Variants in ARFIP1 observed in about 807,000 individuals in gnomAD.
ARFIP1 encodes arfaptin-1.
ARFIP1 carries 24 observed loss-of-function variants against 42.5 expected under a neutral mutation model. That is an observed-to-expected ratio of 0.57 (90% CI 0.41 to 0.80). The LOEUF (loss-of-function observed/expected upper bound fraction) is 0.80. Ranked by LOEUF, ARFIP1 falls within the 30% of genes least tolerant of loss-of-function variation. The probability of loss-of-function intolerance (pLI) is 0.00; values close to 1 mark genes in which losing one functional copy is unlikely to be tolerated. For synonymous variants in ARFIP1, 141 were observed against 153.7 expected (o/e 0.92, Z 0.61); for missense variants, 354 against 434.0 (o/e 0.82, Z 1.64).
intron 1 of ARFIP1, among the ~76,000 whole-genome samples, chr4:152,821,062 A>C (rs1730326629): frequency 6.6e-6 from 1 of 152,214 alleles, no homozygotes; most frequent in African/African-American, 2.4e-5. Flanking sequence ...CAGAAAACTA[A>C]TTCTGGCAAT....
intron 1 of ARFIP1, among the ~76,000 whole-genome samples, chr4:152,793,230 GA>G (rs1165522652): frequency 6.6e-6 from 1 of 150,718 alleles, no homozygotes; most frequent in East Asian, 1.9e-4. Flanking sequence ...AAATAAATAT[GA>G]AGTGGATCAG....
chr4:152,796,983 G>A (rs1283624295), intron 1 of ARFIP1, among the ~76,000 whole-genome samples: 1 of 152,130 alleles, frequency 6.6e-6, no homozygotes, highest in East Asian at 1.9e-4. Flanking sequence ...TACTATGTGT[G>A]TTGTCCAATT....
chr4:152,790,352 C>T (rs1436260856), intron 1 of ARFIP1, among the ~76,000 whole-genome samples: 1 of 152,178 alleles, frequency 6.6e-6, no homozygotes, highest in Non-Finnish European at 1.5e-5. Context: ...AGATGACCAC[C>T]TCTCTTGGTT....
chr4:152,819,898 C>T (rs1319750443), intron 1 of ARFIP1, among the ~76,000 whole-genome samples: 1 of 152,132 alleles, frequency 6.6e-6, no homozygotes, highest in Non-Finnish European at 1.5e-5. Flanking sequence ...CCTCTTTAGA[C>T]AGCATTTCTG....
chr4:152,857,688 T>C (rs1733552099), intron 2 of ARFIP1, among the ~76,000 whole-genome samples: 1 of 152,248 alleles, frequency 6.6e-6, no homozygotes, highest in African/African-American at 2.4e-5. Context: ...CTGTTCACAA[T>C]TTATCTCATC....
At chr4:152,811,882 A>G (rs1288696155) in intron 1 of ARFIP1, among the ~76,000 whole-genome samples, 1 of 112,506 alleles carries the variant, frequency 8.9e-6, no homozygotes, top group South Asian at 3.1e-4. Context: ...GTTAATTTTC[A>G]GTACTATAAT....
At chr4:152,906,282 C>T (rs906840159) in intron 8 of ARFIP1, among the ~76,000 whole-genome samples, 7 of 152,178 alleles carry the variant, frequency 4.6e-5, no homozygotes, top group Admixed American at 3.9e-4. Context: ...ACAACTCTAG[C>T]CCAAACTGCT....
chr4:152,855,446 GA>G (rs1456718381), intron 2 of ARFIP1, among the ~76,000 whole-genome samples: 3 of 152,186 alleles, frequency 2.0e-5, no homozygotes, highest in African/African-American at 7.2e-5. Flanking sequence ...TGCCTTTAGT[GA>G]CTGGCGGCAG....
chr4:152,900,992 G>T (rs556372950), intron 8 of ARFIP1, among the ~76,000 whole-genome samples: 2 of 152,018 alleles, frequency 1.3e-5, no homozygotes. Context: ...AAGTAATTGC[G>T]GTTTTTGCCA....
chr4:152,883,784 C>T (rs1350200782), intron 7 of ARFIP1, among the ~76,000 whole-genome samples: 1 of 151,538 alleles, frequency 6.6e-6, no homozygotes, highest in Non-Finnish European at 1.5e-5. Flanking sequence ...CCAATTTTTT[C>T]CCCATATGCC....
intron 1 of ARFIP1, among the ~76,000 whole-genome samples, chr4:152,822,353 C>G (rs1446053783): frequency 1.9e-5 from 2 of 103,476 alleles, no homozygotes; most frequent in Non-Finnish European, 4.2e-5. Context: ...AAAAGTTCAA[C>G]AAGAAAATGT....
At chr4:152,834,287 C>T (rs1731476427) in intron 2 of ARFIP1, among the ~76,000 whole-genome samples, 2 of 152,138 alleles carry the variant, frequency 1.3e-5, no homozygotes, top group African/African-American at 4.8e-5. Context: ...CCCCTAGCCC[C>T]CTAAATCTCT....
At chr4:152,782,244 G>GTC in intron 1 of ARFIP1, among the ~76,000 whole-genome samples, 1 of 106,882 alleles carries the variant, frequency 9.4e-6, no homozygotes, top group East Asian at 3.0e-4. Context: ...GTGTGTGTGT[G>GTC]TGTGTGTGTG....
rs1484226452 is a variant in ARFIP1, at chr4:152,804,268, T to TAATATATAACATAACATGTATTACA, written c.-10+24042_-10+24043insAATATATAACATAACATGTATTACA. Reference sequence around the variant, plus strand: ...TATATAATATAACATGTATTATATATTATATATATAACATAACATGTATTA... The same window carrying TAATATATAACATAACATGTATTACA: ...TATATAATATAACATGTATTATATATAATATATAACATAACATGTATTACATATATATATAACATAACATGTATTA... On this transcript the variant is annotated intron_variant, in intron 1 of 8. Transcript: ENST00000353617. 2.7e-4 allele frequency among the ~76,000 whole-genome samples: 16 copies of TAATATATAACATAACATGTATTACA among 58,508 alleles called. 5 individuals carry two copies. The highest frequency in any genetic ancestry group is 1.4e-3 in the African/African-American group (15 of 11,048). 38.4% of individuals were successfully genotyped at this position (58,508 alleles called of 152,430 possible). A position where few individuals can be genotyped will look rare whatever the true frequency, so the allele number is the denominator to read the frequency against.
chr4:152,893,833 A>G (rs1172483846), intron 8 of ARFIP1, among the ~76,000 whole-genome samples: 4 of 152,212 alleles, frequency 2.6e-5, no homozygotes, highest in Admixed American at 6.5e-5. Flanking sequence ...TAAAATTTAT[A>G]GTCATTCCTA....
At chr4:152,807,232 G>A (rs890570796) in intron 1 of ARFIP1, 1 of 150,474 alleles carries the variant, frequency 6.6e-6, no homozygotes, top group Non-Finnish European at 1.5e-5. Flanking sequence ...AAAGCTGCTA[G>A]GAGTACATGT....
intron 2 of ARFIP1, among the ~76,000 whole-genome samples, chr4:152,856,277 G>C (rs533694016): frequency 2.0e-5 from 3 of 152,266 alleles, no homozygotes; most frequent in African/African-American, 7.2e-5. Context: ...TCAGATGAGT[G>C]TTGTTCTTTC....
chr4:152,804,227 CATGTATTATATATAATATATAAT>C, intron 1 of ARFIP1, among the ~76,000 whole-genome samples: 1 of 21,004 alleles, frequency 4.8e-5, no homozygotes, highest in South Asian at 1.2e-3. Flanking sequence ...TATAATATAA[CATGTATTATATATAATATATAAT>C]ATAACATGTA....
At chr4:152,883,352 A>G (rs938440641) in intron 7 of ARFIP1, 1 of 152,244 alleles carries the variant, frequency 6.6e-6, no homozygotes, top group Non-Finnish European at 1.5e-5. Context: ...TCTCGCCTAA[A>G]TTTACCTTTC....
Sources: gnomAD v4.1 joint callset for allele counts (sites outside exome capture counted in the v4.1 genomes callset) on GRCh38, gnomAD v4.1.1 for gene constraint, MANE v1.5 for transcripts, NCBI Gene and HGNC (gene_info 2026-07-23, HGNC 2026-07-21) for gene names.